GREM2: variants seen among roughly 807,000 people sequenced by gnomAD.
The protein encoded by GREM2 is gremlin-2.
GREM2 carries 11 observed loss-of-function variants against 14.2 expected under a neutral mutation model. The observed-to-expected ratio is 0.78, with a 90% CI of 0.49 to 1.28. The LOEUF (loss-of-function observed/expected upper bound fraction) is 1.28. Ranked by LOEUF, GREM2 falls within the 50% of genes most tolerant of loss-of-function variation. GREM2 has a pLI of 0.00. For missense variants in GREM2, 210 were observed against 218.5 expected (o/e 0.96, Z 0.24); for synonymous variants, 98 against 97.6 (o/e 1.00, Z -0.02).
intron 1 of GREM2, among the ~76,000 whole-genome samples, chr1:240,510,330 A>G (rs544546468): frequency 3.5e-3 from 449 of 127,150 alleles, no homozygotes; most frequent in African/African-American, 0.013. Context: ...AGATCGCGCC[A>G]CTGCACTCCA....
At chr1:240,508,872 A>G (rs1368665729) in intron 1 of GREM2, among the ~76,000 whole-genome samples, 1 of 152,214 alleles carries the variant, frequency 6.6e-6, no homozygotes, top group African/African-American at 2.4e-5. Flanking sequence ...GATATTTTTA[A>G]TAAGCACCCC....
At chr1:240,536,940 A>ATAC (rs1678485988) in intron 1 of GREM2, among the ~76,000 whole-genome samples, 1 of 152,240 alleles carries the variant, frequency 6.6e-6, no homozygotes, top group African/African-American at 2.4e-5. Context: ...CAAAGCAAGA[A>ATAC]TACTAAGCAA....
chr1:240,566,518 C>A (rs796952811), intron 1 of GREM2, among the ~76,000 whole-genome samples: 1 of 152,044 alleles, frequency 6.6e-6, no homozygotes, highest in Non-Finnish European at 1.5e-5. Context: ...CTGGGGAGAT[C>A]GAGGTAACTG....
Position 240,542,191 on chromosome 1 carries a change from G to A in GREM2, c.-1-48715C>T, listed in dbSNP as rs1678605140. 6.6e-6 allele frequency among the ~76,000 whole-genome samples: 1 copy of A among 152,082 alleles called. No homozygotes were observed. The highest frequency in any genetic ancestry group is 2.1e-4 in the South Asian group (1 of 4,826). On this transcript the variant is annotated intron_variant, in intron 1 of 1. Transcript: ENST00000318160. This position sits in a 1 kb window ranked among gnomAD's most constrained non-coding sequence, Gnocchi z 4.1. Reference sequence around the variant, plus strand: ...AACACCATCCTGTCCCTTGTCAACAGCATCAATATTGAGAAACCATAGATT... The same window carrying A: ...AACACCATCCTGTCCCTTGTCAACAACATCAATATTGAGAAACCATAGATT...
intron 1 of GREM2, among the ~76,000 whole-genome samples, chr1:240,547,335 C>A (rs1319237811): frequency 1.3e-5 from 2 of 151,544 alleles, no homozygotes; most frequent in Non-Finnish European, 2.9e-5. Flanking sequence ...CCTGTCTCTA[C>A]TAAAAATACA....
intron 1 of GREM2, among the ~76,000 whole-genome samples, chr1:240,510,143 G>C (rs1367621598): frequency 1.3e-5 from 2 of 152,102 alleles, no homozygotes; most frequent in Non-Finnish European, 2.9e-5. Flanking sequence ...GCCGAGGCGG[G>C]CGGATCACGA....
intron 1 of GREM2, among the ~76,000 whole-genome samples, chr1:240,536,510 G>C (rs1021997694): frequency 6.6e-6 from 1 of 152,236 alleles, no homozygotes; most frequent in South Asian, 2.1e-4. Context: ...AGTCCAAGAG[G>C]GGGATTGGTA....
At chr1:240,537,551 G>A (rs1331322372) in intron 1 of GREM2, among the ~76,000 whole-genome samples, 9 of 152,130 alleles carry the variant, frequency 5.9e-5, no homozygotes, top group Non-Finnish European at 7.4e-5. Flanking sequence ...TTGGGAGGCC[G>A]AGGTGGGTGG....
At chr1:240,561,083 T>A (rs201544330) in intron 1 of GREM2, among the ~76,000 whole-genome samples, 1 of 152,212 alleles carries the variant, frequency 6.6e-6, no homozygotes, top group East Asian at 1.9e-4. Flanking sequence ...TAAGGTGAGA[T>A]AATCTTATTT....
intron 1 of GREM2, among the ~76,000 whole-genome samples, chr1:240,567,095 T>C (rs961263951): frequency 5.9e-5 from 9 of 152,086 alleles, no homozygotes; most frequent in Non-Finnish European, 1.3e-4. Context: ...AATTATGTAT[T>C]GCAAATGAAA....
chr1:240,568,744 C>T (rs933280740), intron 1 of GREM2, among the ~76,000 whole-genome samples: 2 of 151,986 alleles, frequency 1.3e-5, no homozygotes, highest in East Asian at 3.8e-4. Context: ...CTCAAATGAA[C>T]GACATAATTG....
intron 1 of GREM2, among the ~76,000 whole-genome samples, chr1:240,577,647 T>G (rs1281105235): frequency 1.3e-5 from 2 of 152,250 alleles, no homozygotes; most frequent in East Asian, 3.8e-4. Context: ...TGGGAAATTA[T>G]TACAGTTTGG....
Position 240,599,052 on chromosome 1 carries a change from C to T in GREM2, c.-2+12832G>A, listed in dbSNP as rs535303366. Among the ~76,000 whole-genome samples, 97 of 151,998 alleles carry T rather than the reference C, an allele frequency of 6.4e-4. 1 individual carries two copies. Among genetic ancestry groups the T allele is most frequent in the African/African-American group, 2.3e-3 (94 of 41,454 alleles). On this transcript the variant is annotated intron_variant, in intron 1 of 1. Transcript: ENST00000318160. The stretch of plus-strand genomic sequence containing the variant: ...GGGAGACCGAGGCAGGCAGATGACT[C>T]GAGGTCAGGAGTTTGAGGCCAGCCT...
At chr1:240,522,136 CAA>C (rs1298170254) in intron 1 of GREM2, among the ~76,000 whole-genome samples, 2 of 136,026 alleles carry the variant, frequency 1.5e-5, no homozygotes, top group African/African-American at 5.7e-5. Flanking sequence ...AAAAAAAAAA[CAA>C]AAACAAACAA....
In GREM2 at chr1:240,575,701, A is replaced by G. The variant is rs372634324; in HGVS notation, c.-2+36183T>C. On this transcript the variant is annotated intron_variant, in intron 1 of 1. Coordinates refer to ENST00000318160, the MANE Select transcript of GREM2 (RefSeq NM_022469.4). ...ACGCCCAGCTAATTTCTGTATTTAT[A>G]GTAGAGACGGGGTTTCACCATGTTG... is the stretch of plus-strand genomic sequence containing the variant. Among the ~76,000 whole-genome samples the G allele has an allele frequency of 5.9e-5, 9 of 152,020 alleles. No individual in the cohort carries two copies. The East Asian group carries it at 1.7e-3, about 30-fold the overall frequency.
In GREM2 at chr1:240,537,814, T is replaced by C. The variant is rs926671328; in HGVS notation, c.-1-44338A>G. ...CAAACAAACAAACAAACAAAAACAC[T>C]GAGTAAGCCCTGCAAAAAGTGAAGG... On this transcript the variant is annotated intron_variant, in intron 1 of 1. Transcript: ENST00000318160. 2.1e-5 allele frequency among the ~76,000 whole-genome samples: 3 copies of C among 141,562 alleles called. No individual in the cohort carries two copies. The Admixed American group carries it at 2.1e-4, about 10-fold the overall frequency. The allele number at this position is 141,562 out of a possible 152,430, so 92.9% of individuals were successfully genotyped here.
intron 1 of GREM2, among the ~76,000 whole-genome samples, chr1:240,592,238 G>C (rs969648933): frequency 1.3e-5 from 2 of 152,174 alleles, no homozygotes; most frequent in Non-Finnish European, 2.9e-5. Context: ...AGAGTGAAAT[G>C]CAATCAGACT....
intron 1 of GREM2, among the ~76,000 whole-genome samples, chr1:240,594,915 A>G (rs1679791418): frequency 6.6e-6 from 1 of 152,198 alleles, no homozygotes; most frequent in South Asian, 2.1e-4. Flanking sequence ...AATAGTATAA[A>G]GAAATAAACA....
chr1:240,575,095 A>C (rs1328290168), intron 1 of GREM2, among the ~76,000 whole-genome samples: 1 of 152,022 alleles, frequency 6.6e-6, no homozygotes, highest in Non-Finnish European at 1.5e-5. Flanking sequence ...GACAAGAGTG[A>C]GACTCTGTCT....
Sources: allele counts gnomAD v4.1 joint callset (sites outside exome capture counted in the v4.1 genomes callset), GRCh38; gene constraint gnomAD v4.1.1; non-coding constraint Gnocchi (gnomAD v3.1); transcripts MANE v1.5; gene names NCBI Gene and HGNC (gene_info 2026-07-23, HGNC 2026-07-21).